TRPM2: variants seen among roughly 807,000 people sequenced by gnomAD.
TRPM2 encodes the protein transient receptor potential cation channel subfamily M member 2.
In TRPM2, 161 loss-of-function variants were observed where a neutral mutation model predicts 174.0. That is an observed-to-expected ratio of 0.93 (90% CI 0.81 to 1.05). The LOEUF (loss-of-function observed/expected upper bound fraction) is 1.05, where lower values mean the gene tolerates loss of function less well. Among genes scored for constraint, TRPM2 ranks in the 50% least tolerant of loss-of-function variants. TRPM2 has a pLI of 0.00. For missense variants in TRPM2, 2,057 were observed against 2,038.0 expected (o/e 1.01, Z -0.18); for synonymous variants, 954 against 861.3 (o/e 1.11, Z -1.88).
At chr21:44,378,932 C>T in intron 7 of TRPM2, 65 bp from the exon 8 acceptor site, 1 of 1,533,498 alleles carries the variant, frequency 6.5e-7, no homozygotes, top group Non-Finnish European at 8.9e-7. Flanking sequence ...GAGAATTCTC[C>T]ATTTCAGAAA....
At chr21:44,381,194 C>T (rs1042168121) in intron 8 of TRPM2, among the ~76,000 whole-genome samples, 6 of 151,876 alleles carry the variant, frequency 4.0e-5, no homozygotes, top group South Asian at 2.1e-4. Flanking sequence ...AGGCTGCGGA[C>T]GAGGAGAGAA....
At chr21:44,359,730 T>C (rs962305425) in intron 2 of TRPM2, among the ~76,000 whole-genome samples, 5 of 147,278 alleles carry the variant, frequency 3.4e-5, no homozygotes, top group African/African-American at 5.2e-5. Context: ...TGTATATATA[T>C]ACACATATAT....
intron 11 of TRPM2, among the ~76,000 whole-genome samples, chr21:44,392,280 C>T (rs2049201534): frequency 6.6e-6 from 1 of 151,850 alleles, no homozygotes; most frequent in East Asian, 1.9e-4. Context: ...ATGTTTGAGA[C>T]AGGGTCTGGC....
upstream of TRPM2, among the ~76,000 whole-genome samples, chr21:44,351,551 AG>A (rs1489682609): frequency 6.6e-6 from 1 of 152,240 alleles, no homozygotes; most frequent in Non-Finnish European, 1.5e-5. Flanking sequence ...GCTGTGAACC[AG>A]GGTGGCCCAA....
At chr21:44,428,299 T>A (rs2050879089) in intron 27 of TRPM2, among the ~76,000 whole-genome samples, 1 of 152,148 alleles carries the variant, frequency 6.6e-6, no homozygotes, top group South Asian at 2.1e-4. Context: ...GGGGCCTGAT[T>A]TATTTTGTGA....
In TRPM2 at chr21:44,437,149, G is replaced by A; in HGVS notation, c.4149G>A (p.Glu1383=). The change falls in exon 29 of 32, where the codon GAG becomes GAA. Residue 1383 remains glutamate (E), a synonymous_variant. Transcript: ENST00000397928. ...TGGTGGTGAAGCTCCCTCTCTCCGA[G>A]CACTGGGCCCTGCCTGGGGTAAGGC... ...EVLVVKLPLS[E]HWALPGGSRE... is the part of the protein sequence containing the mutation. The A allele has an allele frequency of 1.3e-6, 2 of 1,551,302 alleles. No individual in the cohort carries two copies. The highest frequency in any genetic ancestry group is 1.7e-6 in the Non-Finnish European group (2 of 1,146,868).
At chr21:44,397,128 T>C (rs1186155839) in intron 12 of TRPM2, among the ~76,000 whole-genome samples, 3 of 151,636 alleles carry the variant, frequency 2.0e-5, no homozygotes, top group Non-Finnish European at 4.4e-5. Context: ...AACCTCTGCC[T>C]ACCGTGTTCA....
chr21:44,422,557 G>A, intron 22 of TRPM2: 1 of 1,197,886 alleles, frequency 8.3e-7, no homozygotes, highest in Non-Finnish European at 1.1e-6. Context: ...GAAAGTTTCT[G>A]TGTTACTAAA....
chr21:44,367,496 A>C lies in TRPM2; in HGVS notation c.604+562A>C, dbSNP rs2048395394. On this transcript the variant is annotated intron_variant, in intron 4 of 31. Coordinates refer to ENST00000397928, the MANE Select transcript of TRPM2 (RefSeq NM_003307.4). This position sits in a 1 kb window ranked among gnomAD's most constrained non-coding sequence, Gnocchi z 4.6. ...ACCTCCCAAGGTTGCACCACTGGTG[A>C]GAGCCAGGCAGGGACCCAGTCCTGG... 6.6e-6 allele frequency among the ~76,000 whole-genome samples: 1 copy of C among 152,190 alleles called. No individual in the cohort carries two copies. The highest frequency in any genetic ancestry group is 1.5e-5 in the Non-Finnish European group (1 of 68,016).
Position 44,413,893 on chromosome 21 carries a change from G to T in TRPM2, c.2965G>T (p.Val989Leu). 1.2e-6 allele frequency: 2 copies of T among 1,609,478 alleles called. No individual in the cohort carries two copies. Among genetic ancestry groups the T allele is most frequent in the Non-Finnish European group, 1.7e-6 (2 of 1,176,236 alleles). ...FGQIPGYIDG[V>L]NFNPEHCSPN... is the part of the protein sequence containing the mutation. Reference sequence around the variant, plus strand: ...CCCACCCCCATTCCCAACGCCAGGTGTGAACTTCAACCCGGAGCACTGCAG... The same window carrying T: ...CCCACCCCCATTCCCAACGCCAGGTTTGAACTTCAACCCGGAGCACTGCAG... Residue 989 changes from valine to leucine, a missense_variant and splice_region_variant, in exon 20 of 32, where the codon GTG becomes TTG. Val to Leu is a conservative substitution (Grantham distance 32, BLOSUM62 1). Transcript: ENST00000397928.
intron 28 of TRPM2, among the ~76,000 whole-genome samples, chr21:44,435,583 A>G (rs529119586): frequency 7.8e-6 from 1 of 128,234 alleles, no homozygotes; most frequent in African/African-American, 3.0e-5. Context: ...CCCCACACTG[A>G]CCCCTCAGAC....
chr21:44,353,816 G>A lies in TRPM2; in HGVS notation c.116G>A (p.Ser39Asn). ...MVSNLRRSNS[S>N]LFKSWRLQCP... ...TCCAATCTCCGGCGCAGCAACAGCAGCCTCTTCAAGAGCTGGAGGCTACAG... is the reference window on the plus strand; with the variant it reads ...TCCAATCTCCGGCGCAGCAACAGCAACCTCTTCAAGAGCTGGAGGCTACAG... The change falls in exon 1 of 32, where the codon AGC becomes AAC. Residue 39 changes from serine (S) to asparagine (N), a missense_variant. Physicochemically the swap from Ser to Asn is conservative, Grantham distance 46. Transcript: ENST00000397928. 1.2e-6 allele frequency: 2 copies of A among 1,600,410 alleles called. No individual in the cohort carries two copies. Among genetic ancestry groups the A allele is most frequent in the Non-Finnish European group, 1.7e-6 (2 of 1,174,216 alleles).
At chr21:44,435,336 T>C in intron 28 of TRPM2, 119 bp downstream of exon 28, 2 of 1,071,120 alleles carry the variant, frequency 1.9e-6, no homozygotes, top group Non-Finnish European at 1.4e-6. Context: ...TGCTTGGCAC[T>C]TGGTGCCTAC....
At chr21:44,415,636 A>T (rs1235296991) in intron 20 of TRPM2, 1 of 152,244 alleles carries the variant, frequency 6.6e-6, no homozygotes, top group African/African-American at 2.4e-5. Context: ...CTACAGCAGC[A>T]TCAGGAGACC....
At position 44,399,360 on chromosome 21, in the gene TRPM2, C is replaced by T. The variant is rs149727028; in HGVS notation, c.2127C>T (p.Ser709=). The T allele has an allele frequency of 2.2e-5, 35 of 1,612,684 alleles. No individual in the cohort carries two copies. The African/African-American group carries it at 3.1e-4, about 14-fold the overall frequency. ...CCCAGAAACTGCTCACCCGCGTGTC[C>T]GAGGCCTGGGGGAAGACCACCTGCC... ...ERAQKLLTRV[S]EAWGKTTCLQ... Residue 709 remains serine, a synonymous_variant, in exon 14 of 32, where the codon TCC becomes TCT. Coordinates refer to ENST00000397928, the MANE Select transcript of TRPM2 (RefSeq NM_003307.4). This position sits in a 1 kb window ranked among gnomAD's most constrained non-coding sequence, Gnocchi z 4.6.
intron 8 of TRPM2, among the ~76,000 whole-genome samples, chr21:44,382,126 T>C (rs1201519930): frequency 6.6e-6 from 1 of 151,932 alleles, no homozygotes; most frequent in Non-Finnish European, 1.5e-5. Context: ...AATAGATAGA[T>C]ACATGTGGAT....
rs763678929 is a variant in TRPM2 at position 44,391,641 on chromosome 21, G to A, written c.1794+16G>A. On this transcript the variant is annotated intron_variant, in intron 11 of 31. Coordinates refer to ENST00000397928, the MANE Select transcript of TRPM2 (RefSeq NM_003307.4). The surrounding 1 kb of genome is among the most constrained non-coding windows in gnomAD (Gnocchi z 5.0). Reference sequence around the variant, plus strand: ...CAAGCTCAACGTGCGTGCTGGTAACGGGGCCCATCCTGGACTCGTCTTCGC... The same window carrying A: ...CAAGCTCAACGTGCGTGCTGGTAACAGGGCCCATCCTGGACTCGTCTTCGC... 13 of 1,557,710 alleles carry A rather than the reference G, an allele frequency of 8.3e-6. No individual in the cohort carries two copies. The highest frequency in any genetic ancestry group is 1.1e-5 in the Non-Finnish European group (13 of 1,158,752).
At chr21:44,374,231 G>C (rs1476229364) in intron 5 of TRPM2, among the ~76,000 whole-genome samples, 1 of 151,960 alleles carries the variant, frequency 6.6e-6, no homozygotes, top group African/African-American at 2.4e-5. Context: ...GGCTGGTCTC[G>C]AACTCCTGAC....
At chr21:44,398,310 C>T (rs2049499626) in intron 13 of TRPM2, among the ~76,000 whole-genome samples, 1 of 151,750 alleles carries the variant, frequency 6.6e-6, no homozygotes, top group Non-Finnish European at 1.5e-5. Flanking sequence ...AAGCGATTCT[C>T]CTGTCTCAGC....
Sources: allele counts gnomAD v4.1 joint callset (sites outside exome capture counted in the v4.1 genomes callset), GRCh38; gene constraint gnomAD v4.1.1; non-coding constraint Gnocchi (gnomAD v3.1); transcripts MANE v1.5; gene names NCBI Gene and HGNC (gene_info 2026-07-23, HGNC 2026-07-21).